Variants in ZNF714 observed in about 807,000 individuals in gnomAD.
ZNF714 encodes zinc finger protein 714.
A neutral mutation model predicts 46.2 loss-of-function variants in ZNF714; 32 were observed. The observed-to-expected ratio is 0.69, with a 90% confidence interval of 0.52 to 0.93. ZNF714 has a LOEUF of 0.93. ZNF714 is among the 40% of genes least tolerant of loss of function. The pLI, the probability that ZNF714 is intolerant of heterozygous loss-of-function variation, is 0.00. For synonymous variants in ZNF714, 199 were observed against 213.1 expected (o/e 0.93, Z 0.58); for missense variants, 635 against 646.3 (o/e 0.98, Z 0.19).
rs772725533 is a variant in ZNF714, at chr19:21,098,191, T to C, written c.-78T>C. On this transcript the variant is annotated 5_prime_UTR_variant, in exon 3 of 5. Transcript: ENST00000456283. ...GTGCGTATGTGTTTTTCAGGAGACGTTGACATTTAGGGATGTGGCCATAGA... is the reference window on the plus strand; with the variant it reads ...GTGCGTATGTGTTTTTCAGGAGACGCTGACATTTAGGGATGTGGCCATAGA... 13 of 1,609,554 alleles carry C rather than the reference T, an allele frequency of 8.1e-6. No individual in the cohort carries two copies. The South Asian group carries it at 1.1e-4, about 14-fold the overall frequency.
intron 2 of ZNF714, among the ~76,000 whole-genome samples, chr19:21,092,906 CTTTTT>C (rs56845417): frequency 9.8e-6 from 1 of 101,706 alleles, no homozygotes; most frequent in Admixed American, 1.3e-4. Context: ...ATAACTTAAA[CTTTTT>C]TTTTTTTTTT....
chr19:21,102,108 A>AT (rs144473862), intron 4 of ZNF714, among the ~76,000 whole-genome samples: 20,059 of 152,094 alleles, frequency 0.13, 1,556 homozygotes, highest in Non-Finnish European at 0.17. Context: ...TCATAAAGGC[A>AT]TTTTTTTGTC....
rs140585919 is a variant in ZNF714, at chr19:21,097,373, A to G, written c.-84-812A>G. On this transcript the variant is annotated intron_variant, in intron 2 of 4. Coordinates refer to ENST00000456283, the MANE Select transcript of ZNF714 (RefSeq NM_182515.4). ...ACTTTTTGAGGGGCAATATCTCAGCAGTGATGTTGTGTTCTTCTTTGTGCA... is the reference window on the plus strand; with the variant it reads ...ACTTTTTGAGGGGCAATATCTCAGCGGTGATGTTGTGTTCTTCTTTGTGCA... Among the ~76,000 whole-genome samples the G allele has an allele frequency of 5.4e-3, 829 of 152,330 alleles. 8 individuals carry two copies. Among genetic ancestry groups the G allele is most frequent in the Non-Finnish European group, 7.6e-3 (516 of 68,030 alleles).
Position 21,098,324 on chromosome 19 carries a change from T to C in ZNF714, c.43+13T>C. On this transcript the variant is annotated intron_variant, in intron 3 of 4. Coordinates refer to ENST00000456283, the MANE Select transcript of ZNF714 (RefSeq NM_182515.4). ...CTGGTCTTCTTGGGTGAGAATAACT[T>C]TAATACATAAGTCTTAATATACCCT... The C allele has an allele frequency of 6.2e-7, 1 of 1,607,706 alleles. No homozygotes were observed. Among genetic ancestry groups the C allele is most frequent in the South Asian group, 1.1e-5 (1 of 89,428 alleles).
chr19:21,085,404 A>G (rs1020754101), intron 2 of ZNF714, among the ~76,000 whole-genome samples: 1 of 152,174 alleles, frequency 6.6e-6, no homozygotes, highest in African/African-American at 2.4e-5. Flanking sequence ...TTTAATGAAA[A>G]CAATACAATA....
intron 4 of ZNF714, among the ~76,000 whole-genome samples, chr19:21,101,860 T>C (rs952681787): frequency 3.9e-5 from 6 of 152,160 alleles, no homozygotes; most frequent in African/African-American, 1.2e-4. Flanking sequence ...AGGGGTCCTG[T>C]AGTTTCTCAC....
chr19:21,099,318 C>T (rs989211147), intron 4 of ZNF714, among the ~76,000 whole-genome samples: 1 of 152,010 alleles, frequency 6.6e-6, no homozygotes, highest in Non-Finnish European at 1.5e-5. Flanking sequence ...GCTGAGATTA[C>T]AGGCGCCTGC....
In ZNF714 at chr19:21,121,169, C is replaced by T. The variant is rs1969698295; in HGVS notation, c.*2837C>T. Reference sequence around the variant, plus strand: ...GCCTCAGCCTCCCAAGCAGCTAGGACTACAGGCGCCCACCACCATGCCCGG... The same window carrying T: ...GCCTCAGCCTCCCAAGCAGCTAGGATTACAGGCGCCCACCACCATGCCCGG... On this transcript the variant is annotated 3_prime_UTR_variant, in exon 5 of 5. Coordinates refer to ENST00000456283, the MANE Select transcript of ZNF714 (RefSeq NM_182515.4). The T allele has an allele frequency of 1.3e-5, 2 of 152,154 alleles. 1 individual carries two copies. Among genetic ancestry groups the T allele is most frequent in the South Asian group, 4.1e-4 (2 of 4,822 alleles). The allele number at this position is 152,154 out of a possible 1,614,324, so 9.4% of individuals were successfully genotyped here.
intron 4 of ZNF714, among the ~76,000 whole-genome samples, chr19:21,115,804 G>T (rs1969582643): frequency 1.3e-5 from 2 of 151,260 alleles, no homozygotes; most frequent in Admixed American, 6.6e-5. Context: ...CAGAATTTTT[G>T]AGTTATATTT....
At chr19:21,096,494 T>C (rs550241756) in intron 2 of ZNF714, among the ~76,000 whole-genome samples, 11 of 152,202 alleles carry the variant, frequency 7.2e-5, no homozygotes, top group Non-Finnish European at 1.3e-4. Flanking sequence ...TGCAAACCTT[T>C]ACTTCTCTAC....
intron 2 of ZNF714, among the ~76,000 whole-genome samples, chr19:21,085,951 A>T (rs928677391): frequency 3.9e-5 from 6 of 152,022 alleles, no homozygotes; most frequent in Non-Finnish European, 7.4e-5. Flanking sequence ...AATTTTAAGG[A>T]TTGCATAGTT....
In ZNF714 at chr19:21,122,437, G is replaced by A. The variant is rs1226023513; in HGVS notation, c.*4105G>A. ...TTTCAGACCAGCCTGGTGAAACCCG[G>A]TCTCTACTAATAAACTACAAAAATT... is the stretch of plus-strand genomic sequence containing the variant. On this transcript the variant is annotated 3_prime_UTR_variant, in exon 5 of 5. Transcript: ENST00000456283. The A allele has an allele frequency of 6.6e-6, 1 of 152,014 alleles. No homozygotes were observed. Among genetic ancestry groups the A allele is most frequent in the Non-Finnish European group, 1.5e-5 (1 of 68,000 alleles). 9.4% of individuals were successfully genotyped at this position (152,014 alleles called of 1,614,324 possible). A position where few individuals can be genotyped will look rare whatever the true frequency, so the allele number is the denominator to read the frequency against.
intron 4 of ZNF714, among the ~76,000 whole-genome samples, chr19:21,110,769 G>A (rs1421973843): frequency 6.6e-6 from 1 of 152,112 alleles, no homozygotes; most frequent in Non-Finnish European, 1.5e-5. Flanking sequence ...TTGTATAAGT[G>A]TAAGAAAGGG....
At chr19:21,104,446 C>T (rs1225563243) in intron 4 of ZNF714, among the ~76,000 whole-genome samples, 1 of 152,014 alleles carries the variant, frequency 6.6e-6, no homozygotes, top group African/African-American at 2.4e-5. Flanking sequence ...AATTAAGAAG[C>T]ATTTATAACA....
intron 4 of ZNF714, among the ~76,000 whole-genome samples, chr19:21,107,472 C>A (rs1313788309): frequency 6.6e-6 from 1 of 152,132 alleles, no homozygotes; most frequent in Non-Finnish European, 1.5e-5. Context: ...CTCCTGACCT[C>A]AGGTGATCCG....
intron 2 of ZNF714, among the ~76,000 whole-genome samples, chr19:21,097,844 C>A (rs1969080851): frequency 6.6e-6 from 1 of 150,998 alleles, no homozygotes; most frequent in Non-Finnish European, 1.5e-5. Context: ...TTGAGAGGTA[C>A]CATCTAACTC....
At chr19:21,098,977 A>C in intron 4 of ZNF714, 67 bp downstream of exon 4, 1 of 881,372 alleles carries the variant, frequency 1.1e-6, no homozygotes. Context: ...AAAAAAAAGC[A>C]AGCCGGCCCT....
intron 2 of ZNF714, among the ~76,000 whole-genome samples, chr19:21,096,952 C>A (rs1005555828): frequency 6.6e-6 from 1 of 152,050 alleles, no homozygotes; most frequent in African/African-American, 2.4e-5. Flanking sequence ...CTGCAAGCTC[C>A]GCCTCCTGGG....
chr19:21,091,572 G>A (rs1775083581), intron 2 of ZNF714: 1 of 151,952 alleles, frequency 6.6e-6, no homozygotes, highest in South Asian at 2.1e-4. Context: ...AAGTCATAAT[G>A]GGAAGGGTGT....
Sources: allele counts gnomAD v4.1 joint callset (sites outside exome capture counted in the v4.1 genomes callset), GRCh38; gene constraint gnomAD v4.1.1; transcripts MANE v1.5; gene names NCBI Gene and HGNC (gene_info 2026-07-23, HGNC 2026-07-21).